The following ADARB1 variants were observed in gnomAD, a reference collection of about 807,000 sequenced individuals.
The protein encoded by ADARB1 is adenosine deaminase RNA specific B1, also known as double-stranded RNA-specific editase 1.
ADARB1 carries 10 observed loss-of-function variants against 52.4 expected under a neutral mutation model. The observed-to-expected ratio is 0.19, with a 90% CI of 0.12 to 0.32. ADARB1 has a LOEUF of 0.32. ADARB1 is among the 10% of genes least tolerant of loss of function. The pLI is 1.00. For synonymous variants in ADARB1, 349 were observed against 371.1 expected (o/e 0.94, Z 0.68); for missense variants, 643 against 922.3 (o/e 0.70, Z 3.92).
In ADARB1 at chr21:45,221,073, C is replaced by A. The variant is rs2146463517; in HGVS notation, c.1926+59C>A. 5 of 1,514,690 alleles carry A rather than the reference C, an allele frequency of 3.3e-6. No individual in the cohort carries two copies. The East Asian group carries it at 1.2e-4, about 37-fold the overall frequency. 93.8% of individuals were successfully genotyped at this position (1,514,690 alleles called of 1,614,324 possible). Reference sequence around the variant, plus strand: ...CCACCTCCCCAATAGCTTGTCTGTCCTCACACCTACTGTTCCTTAAGTTGT... The same window carrying A: ...CCACCTCCCCAATAGCTTGTCTGTCATCACACCTACTGTTCCTTAAGTTGT... On this transcript the variant is annotated intron_variant, in intron 10 of 10. Coordinates refer to ENST00000348831, the MANE Select transcript of ADARB1 (RefSeq NM_001112.4). This position sits in a 1 kb window ranked among gnomAD's most constrained non-coding sequence, Gnocchi z 4.9.
intron 1 of ADARB1, chr21:45,116,788 C>T (rs2087851210): frequency 6.6e-6 from 1 of 152,250 alleles, no homozygotes; most frequent in Admixed American, 6.5e-5. Context: ...TAACTGCCCC[C>T]ATGATACAAT....
chr21:45,225,609 G>A lies in ADARB1; in HGVS notation c.*3412G>A. The A allele has an allele frequency of 3.9e-5, 51 of 1,305,318 alleles. No individual in the cohort carries two copies. Among genetic ancestry groups the A allele is most frequent in the Non-Finnish European group, 5.0e-5 (51 of 1,011,772 alleles). 80.9% of individuals were successfully genotyped at this position (1,305,318 alleles called of 1,614,324 possible). ...GCACAGATCTGAGGATGGGATTAGCGAAGCTGTGGAGACTGCACATCCGGA... is the reference window on the plus strand; with the variant it reads ...GCACAGATCTGAGGATGGGATTAGCAAAGCTGTGGAGACTGCACATCCGGA... On this transcript the variant is annotated 3_prime_UTR_variant, in exon 11 of 11. Coordinates refer to ENST00000348831, the MANE Select transcript of ADARB1 (RefSeq NM_001112.4).
intron 1 of ADARB1, among the ~76,000 whole-genome samples, chr21:45,123,502 C>T (rs559318333): frequency 6.6e-6 from 1 of 152,238 alleles, no homozygotes; most frequent in African/African-American, 2.4e-5. Flanking sequence ...ATGGTGTCTC[C>T]CTGTGTTGCC....
intron 1 of ADARB1, among the ~76,000 whole-genome samples, chr21:45,078,667 G>T (rs2123607759): frequency 6.6e-6 from 1 of 152,310 alleles, no homozygotes; most frequent in Admixed American, 6.5e-5. Context: ...GAAGTGAGAT[G>T]GGAGTGGAGG....
chr21:45,107,928 G>A (rs1601374119), intron 1 of ADARB1, among the ~76,000 whole-genome samples: 1 of 152,134 alleles, frequency 6.6e-6, no homozygotes, highest in Non-Finnish European at 1.5e-5. Flanking sequence ...GGGTGTGGTG[G>A]CACACACCTG....
chr21:45,098,160 AG>A (rs1270231916), intron 1 of ADARB1, among the ~76,000 whole-genome samples: 2 of 152,126 alleles, frequency 1.3e-5, no homozygotes, highest in African/African-American at 4.8e-5. Flanking sequence ...GCAGCTGGCA[AG>A]TCATTCCTGC....
At chr21:45,095,824 A>G (rs1166811450) in intron 1 of ADARB1, among the ~76,000 whole-genome samples, 1 of 152,196 alleles carries the variant, frequency 6.6e-6, no homozygotes, top group Non-Finnish European at 1.5e-5. Context: ...GCTCGAGAAA[A>G]TAAGGCTCTG....
intron 9 of ADARB1, among the ~76,000 whole-genome samples, chr21:45,213,998 C>T (rs988760634): frequency 6.6e-6 from 1 of 152,214 alleles, no homozygotes; most frequent in South Asian, 2.1e-4. Flanking sequence ...ACCATTTTCA[C>T]ATTACCACCA....
At position 45,223,929 on chromosome 21, in the gene ADARB1, C is replaced by A; in HGVS notation, c.*1732C>A. On this transcript the variant is annotated 3_prime_UTR_variant, in exon 11 of 11. Coordinates refer to ENST00000348831, the MANE Select transcript of ADARB1 (RefSeq NM_001112.4). ...ATCTGCCCCACAGCAGCCTCCTCCTCCACCGAAGAGGGTAGTTGTCTCCCT... is the reference window on the plus strand; with the variant it reads ...ATCTGCCCCACAGCAGCCTCCTCCTACACCGAAGAGGGTAGTTGTCTCCCT... 1 of 985,614 alleles carries A rather than the reference C, an allele frequency of 1.0e-6. No individual in the cohort carries two copies. Among genetic ancestry groups the A allele is most frequent in the African/African-American group, 1.7e-5 (1 of 57,340 alleles). The allele number at this position is 985,614 out of a possible 1,614,324, so 61.1% of individuals were successfully genotyped here. A position where few individuals can be genotyped will look rare whatever the true frequency, so the allele number is the denominator to read the frequency against.
chr21:45,147,371 TG>T (rs747632690), intron 2 of ADARB1, among the ~76,000 whole-genome samples: 1 of 152,182 alleles, frequency 6.6e-6, no homozygotes, highest in Non-Finnish European at 1.5e-5. Flanking sequence ...TCTAATCCTG[TG>T]GGTTGCTTTT....
At chr21:45,107,481 A>G (rs2087310443) in intron 1 of ADARB1, among the ~76,000 whole-genome samples, 1 of 152,250 alleles carries the variant, frequency 6.6e-6, no homozygotes, top group African/African-American at 2.4e-5. Flanking sequence ...CTATATGGAA[A>G]ATAGTGTGGC....
intron 8 of ADARB1, among the ~76,000 whole-genome samples, chr21:45,192,078 T>C (rs1459113550): frequency 6.6e-6 from 1 of 151,850 alleles, no homozygotes; most frequent in Non-Finnish European, 1.5e-5. Flanking sequence ...GGTTTGAGGC[T>C]TCTTTGAAAT....
At chr21:45,201,858 G>T (rs114030618) in intron 8 of ADARB1, among the ~76,000 whole-genome samples, 1 of 152,024 alleles carries the variant, frequency 6.6e-6, no homozygotes, top group East Asian at 1.9e-4. Context: ...GGGAAGGGAG[G>T]CCTCCCTCAG....
At chr21:45,171,347 C>T (rs1053189789) in intron 2 of ADARB1, among the ~76,000 whole-genome samples, 4 of 152,236 alleles carry the variant, frequency 2.6e-5, no homozygotes, top group African/African-American at 4.8e-5. Context: ...CCCTCATCAT[C>T]CCTCCATGTG....
At chr21:45,087,339 C>T (rs1246979395) in intron 1 of ADARB1, among the ~76,000 whole-genome samples, 1 of 152,170 alleles carries the variant, frequency 6.6e-6, no homozygotes, top group East Asian at 1.9e-4. Flanking sequence ...TTGAGGATGA[C>T]CTCTGTGAAT....
intron 1 of ADARB1, among the ~76,000 whole-genome samples, chr21:45,102,598 G>T (rs2087069707): frequency 1.3e-5 from 2 of 152,196 alleles, no homozygotes; most frequent in Admixed American, 1.3e-4. Context: ...TCAATGGGTG[G>T]TGTCAAAGGG....
chr21:45,110,990 G>C (rs1385821328), intron 1 of ADARB1, among the ~76,000 whole-genome samples: 1 of 152,248 alleles, frequency 6.6e-6, no homozygotes, highest in South Asian at 2.1e-4. Flanking sequence ...GTGCTCCTTC[G>C]TCTCTCAGCT....
intron 8 of ADARB1, among the ~76,000 whole-genome samples, chr21:45,186,886 AT>A (rs2092125557): frequency 1.3e-5 from 2 of 151,258 alleles, no homozygotes; most frequent in South Asian, 4.1e-4. Context: ...TCTATTCCAT[AT>A]GTCTATTCTT....
chr21:45,212,318 G>C (rs1280501453), intron 9 of ADARB1, among the ~76,000 whole-genome samples: 1 of 152,154 alleles, frequency 6.6e-6, no homozygotes, highest in Non-Finnish European at 1.5e-5. Context: ...GTGTGACCTT[G>C]AACATGCTCC....
Sources: gnomAD v4.1 joint callset for allele counts (sites outside exome capture counted in the v4.1 genomes callset) on GRCh38, gnomAD v4.1.1 for gene constraint, Gnocchi (gnomAD v3.1) non-coding constraint, MANE v1.5 for transcripts, NCBI Gene and HGNC (gene_info 2026-07-23, HGNC 2026-07-21) for gene names.